RALY: variants seen among roughly 807,000 people sequenced by gnomAD.
The protein encoded by RALY is RALY heterogeneous nuclear ribonucleoprotein, also known as RNA-binding protein Raly.
In RALY, 15 loss-of-function variants were observed where a neutral mutation model predicts 30.7. That is an observed-to-expected ratio of 0.49 (90% CI 0.33 to 0.75). The LOEUF is 0.75. RALY is among the 30% of genes least tolerant of loss of function. The pLI, the probability that RALY is intolerant of heterozygous loss-of-function variation, is 0.02. For missense variants in RALY, 339 were observed against 414.3 expected (o/e 0.82, Z 1.58); for synonymous variants, 177 against 170.8 (o/e 1.04, Z -0.28).
intron 1 of RALY, among the ~76,000 whole-genome samples, chr20:33,996,266 A>T (rs1461554266): frequency 6.6e-6 from 1 of 152,204 alleles, no homozygotes; most frequent in East Asian, 1.9e-4. Context: ...TGACATCATA[A>T]ACTGAGCCAC....
chr20:33,998,174 C>T (rs1165770591), intron 1 of RALY, among the ~76,000 whole-genome samples: 1 of 152,084 alleles, frequency 6.6e-6, no homozygotes, highest in Non-Finnish European at 1.5e-5. Context: ...GTTTGTATAG[C>T]GTAGTGGGAA....
intron 1 of RALY, among the ~76,000 whole-genome samples, chr20:34,009,154 A>G (rs2031290250): frequency 6.6e-6 from 1 of 151,948 alleles, no homozygotes; most frequent in Non-Finnish European, 1.5e-5. Flanking sequence ...TTTTCCATTT[A>G]TAAGAGTGGG....
chr20:34,019,337 A>T (rs976687310), intron 1 of RALY, among the ~76,000 whole-genome samples: 7 of 151,938 alleles, frequency 4.6e-5, no homozygotes, highest in African/African-American at 1.7e-4. Context: ...AAAAGAAAAA[A>T]AAAAAGGATC....
At chr20:34,034,067 A>G (rs2032383884) in intron 2 of RALY, among the ~76,000 whole-genome samples, 1 of 152,174 alleles carries the variant, frequency 6.6e-6, no homozygotes, top group Non-Finnish European at 1.5e-5. Context: ...GCCCATCCCA[A>G]CAGGAGTCAG....
At chr20:33,998,424 A>G (rs1236188029) in intron 1 of RALY, among the ~76,000 whole-genome samples, 1 of 152,210 alleles carries the variant, frequency 6.6e-6, no homozygotes, top group African/African-American at 2.4e-5. Context: ...AAGTTCAGAA[A>G]TGGTGATAAT....
At chr20:34,052,605 G>A (rs1255720367) in intron 2 of RALY, among the ~76,000 whole-genome samples, 1 of 152,188 alleles carries the variant, frequency 6.6e-6, no homozygotes, top group African/African-American at 2.4e-5. Context: ...CCAGTAGGCA[G>A]GAAAATGAGG....
intron 1 of RALY, among the ~76,000 whole-genome samples, chr20:34,015,895 TAC>T (rs2031589570): frequency 6.6e-6 from 1 of 152,092 alleles, no homozygotes; most frequent in Admixed American, 6.6e-5. Context: ...CTCTCTTCTA[TAC>T]ACAAAGTATC....
intron 2 of RALY, among the ~76,000 whole-genome samples, chr20:34,055,242 A>G (rs747687073): frequency 6.6e-6 from 1 of 152,200 alleles, no homozygotes; most frequent in Non-Finnish European, 1.5e-5. Flanking sequence ...AGTTGTAAGG[A>G]TGAGAATTTA....
At chr20:34,067,121 ACCT>A (rs1470523087) in intron 2 of RALY, among the ~76,000 whole-genome samples, 1 of 152,022 alleles carries the variant, frequency 6.6e-6, no homozygotes, top group Non-Finnish European at 1.5e-5. Flanking sequence ...TATGTCAAAC[ACCT>A]CCTCACAGGG....
intron 1 of RALY, among the ~76,000 whole-genome samples, chr20:34,005,985 C>A (rs778114112): frequency 1.1e-4 from 16 of 152,254 alleles, no homozygotes; most frequent in Non-Finnish European, 2.2e-4. Flanking sequence ...CACAGTTTAT[C>A]CACCTATTGA....
chr20:34,031,096 A>G (rs1181574911), intron 1 of RALY, among the ~76,000 whole-genome samples: 1 of 123,904 alleles, frequency 8.1e-6, no homozygotes, highest in Non-Finnish European at 1.6e-5. Context: ...CCCAGGCTGT[A>G]GTGCAGTGGC....
At position 34,084,309 on chromosome 20, in the gene RALY, A is replaced by C. The variant is rs2034071285; in HGVS notation, c.*4404A>C. On this transcript the variant is annotated 3_prime_UTR_variant, in exon 10 of 10. Transcript: ENST00000246194. ...GCACTCCAGCCTGGGTGACAAAGCG[A>C]GACCCCAACTCAAGGGGAAAAAATC... is the stretch of plus-strand genomic sequence containing the variant. 2.6e-5 allele frequency: 4 copies of C among 152,360 alleles called. No homozygotes were observed. In the South Asian group the frequency reaches 8.3e-4, roughly 32 times the overall value. The allele number at this position is 152,360 out of a possible 1,614,324, so 9.4% of individuals were successfully genotyped here.
At chr20:34,034,663 C>T (rs181694800) in intron 2 of RALY, among the ~76,000 whole-genome samples, 30 of 152,334 alleles carry the variant, frequency 2.0e-4, no homozygotes, top group Admixed American at 3.3e-4. Flanking sequence ...AAAGCATTGT[C>T]ATCCTTAAGT....
intron 1 of RALY, among the ~76,000 whole-genome samples, chr20:33,998,955 C>T (rs892155814): frequency 1.2e-4 from 18 of 151,504 alleles, no homozygotes; most frequent in Non-Finnish European, 2.5e-4. Flanking sequence ...GGTGAAACCC[C>T]GTCTCTACTA....
chr20:34,007,727 G>A lies in RALY; in HGVS notation c.-93+13596G>A, dbSNP rs891099783. ...CTCAGCTACTTGGGAAGCTGAGGCAGGAGAATCACTTGAACCCAGGTGGCA... is the reference window on the plus strand; with the variant it reads ...CTCAGCTACTTGGGAAGCTGAGGCAAGAGAATCACTTGAACCCAGGTGGCA... On this transcript the variant is annotated intron_variant, in intron 1 of 9. Transcript: ENST00000246194. Among the ~76,000 whole-genome samples the A allele has an allele frequency of 3.3e-5, 5 of 149,732 alleles. No homozygotes were observed. The Admixed American group carries it at 3.4e-4, about 10-fold the overall frequency.
intron 2 of RALY, among the ~76,000 whole-genome samples, chr20:34,048,672 C>T (rs2284384): frequency 0.62 from 94,230 of 151,150 alleles, 30,605 homozygotes; most frequent in South Asian, 0.85. Context: ...CTGGCTAACA[C>T]GGTGAAACTC....
chr20:34,017,888 G>A (rs766957376), intron 1 of RALY: 2 of 152,202 alleles, frequency 1.3e-5, no homozygotes, highest in Non-Finnish European at 2.9e-5. Flanking sequence ...TAGCATCAGA[G>A]TCAGACAAAG....
chr20:34,027,690 A>G (rs1301740899), intron 1 of RALY, among the ~76,000 whole-genome samples: 2 of 152,256 alleles, frequency 1.3e-5, no homozygotes, highest in African/African-American at 4.8e-5. Context: ...AGCTGTTTAC[A>G]CAGCAAAGCC....
chr20:34,078,437 A>G, intron 8 of RALY, 68 bp from the exon 9 acceptor site: 1 of 1,399,494 alleles, frequency 7.1e-7, no homozygotes, highest in Non-Finnish European at 9.5e-7. Flanking sequence ...TTCTGGACAA[A>G]TGGCTCAGGG....
Sources: gnomAD v4.1 joint callset for allele counts (sites outside exome capture counted in the v4.1 genomes callset) on GRCh38, gnomAD v4.1.1 for gene constraint, MANE v1.5 for transcripts, NCBI Gene and HGNC (gene_info 2026-07-23, HGNC 2026-07-21) for gene names.